STPG1: variants seen among roughly 807,000 people sequenced by gnomAD.
The protein encoded by STPG1 is sperm tail PG-rich repeat containing 1.
In STPG1, 33 loss-of-function variants were observed where a neutral mutation model predicts 40.1. That is an observed-to-expected ratio of 0.82 (90% CI 0.62 to 1.10). The LOEUF (loss-of-function observed/expected upper bound fraction) is 1.10, where lower values mean the gene tolerates loss of function less well. Ranked by LOEUF, STPG1 falls within the 50% of genes least tolerant of loss-of-function variation. The pLI is 0.00. For synonymous variants in STPG1, 150 were observed against 155.0 expected, an observed-to-expected ratio of 0.97 and a Z score of 0.24; for missense variants, 396 against 415.1, an observed-to-expected ratio of 0.95 and a Z score of 0.40.
At position 24,379,772 on chromosome 1, in the gene STPG1, T is replaced by C; in HGVS notation, c.343A>G (p.Thr115Ala). The C allele has an allele frequency of 6.2e-7, 1 of 1,614,112 alleles. No individual in the cohort carries two copies. The highest frequency in any genetic ancestry group is 8.5e-7 in the Non-Finnish European group (1 of 1,179,984). ...TTGGAAATAAAATCCGATGGGATAGTGTATGCATTCGCTGCAGGGTATTTA... is the reference window on the plus strand; with the variant it reads ...TTGGAAATAAAATCCGATGGGATAGCGTATGCATTCGCTGCAGGGTATTTA... ...ISKYPAANAYTIPSDFISKRD... is the reference protein window; with the variant it reads ...ISKYPAANAYAIPSDFISKRD... The change falls in exon 5 of 9, where the codon ACT becomes GCT. Residue 115 changes from threonine to alanine, a missense_variant. Transcript: ENST00000337248.
Position 24,358,302 on chromosome 1 carries a change from T to C in STPG1, c.*241A>G, listed in dbSNP as rs539897457. The C allele has an allele frequency of 3.0e-6, 2 of 671,370 alleles. No individual in the cohort carries two copies. The highest frequency in any genetic ancestry group is 4.1e-5 in the Admixed American group (2 of 49,030). The allele number at this position is 671,370 out of a possible 1,614,324, so 41.6% of individuals were successfully genotyped here. On this transcript the variant is annotated 3_prime_UTR_variant, in exon 9 of 9. Coordinates refer to ENST00000337248, the MANE Select transcript of STPG1 (RefSeq NM_001199013.2). The stretch of plus-strand genomic sequence containing the variant: ...CCAGGGGGCTCTGTCCACTCCTCCC[T>C]TCTGCTCAGGAAGCCACTGGAGTCT...
At chr1:24,402,023 G>A (rs576893695) in intron 1 of STPG1, among the ~76,000 whole-genome samples, 5 of 152,072 alleles carry the variant, frequency 3.3e-5, no homozygotes, top group Non-Finnish European at 5.9e-5. Flanking sequence ...GAGACATAAT[G>A]TATACACAAA....
rs898165123 is a variant in STPG1 at position 24,358,192 on chromosome 1, T to C, written c.*351A>G. The C allele has an allele frequency of 2.7e-5, 14 of 526,602 alleles. No individual in the cohort carries two copies. The Admixed American group carries it at 3.1e-4, about 12-fold the overall frequency. The allele number at this position is 526,602 out of a possible 1,614,324, so 32.6% of individuals were successfully genotyped here. A position where few individuals can be genotyped will look rare whatever the true frequency, so the allele number is the denominator to read the frequency against. On this transcript the variant is annotated 3_prime_UTR_variant, in exon 9 of 9. Coordinates refer to ENST00000337248, the MANE Select transcript of STPG1 (RefSeq NM_001199013.2). ...CACCTTCAGGGTGGACTGATCCTCC[T>C]TGAAGTCTGCGCTTCAGGAGTCCCT...
In STPG1 at chr1:24,399,796, C is replaced by T. The variant is rs1297401589; in HGVS notation, c.70+1523G>A. On this transcript the variant is annotated intron_variant, in intron 2 of 8. Coordinates refer to ENST00000337248, the MANE Select transcript of STPG1 (RefSeq NM_001199013.2). This position sits in a 1 kb window ranked among gnomAD's most constrained non-coding sequence, Gnocchi z 4.0. ...ACAGTCACTTCTCCAAAGAGAATATCCAAAAGGCCAGTCAACATGAAAAAG... is the reference window on the plus strand; with the variant it reads ...ACAGTCACTTCTCCAAAGAGAATATTCAAAAGGCCAGTCAACATGAAAAAG... Among the ~76,000 whole-genome samples, 1 of 152,106 alleles carries T rather than the reference C, an allele frequency of 6.6e-6. No homozygotes were observed. Among genetic ancestry groups the T allele is most frequent in the Non-Finnish European group, 1.5e-5 (1 of 68,006 alleles).
intron 7 of STPG1, among the ~76,000 whole-genome samples, chr1:24,361,287 G>A (rs537868370): frequency 1.3e-5 from 2 of 152,256 alleles, no homozygotes; most frequent in East Asian, 1.9e-4. Context: ...ATGAGATGAC[G>A]TACCTAAAAC....
chr1:24,374,453 G>T (rs1024990314), intron 5 of STPG1, among the ~76,000 whole-genome samples: 1 of 151,674 alleles, frequency 6.6e-6, no homozygotes, highest in Admixed American at 6.6e-5. Context: ...TAGAGACAGG[G>T]TTTCACCATG....
intron 7 of STPG1, among the ~76,000 whole-genome samples, chr1:24,367,157 G>A (rs1435238220): frequency 6.6e-6 from 1 of 152,170 alleles, no homozygotes; most frequent in African/African-American, 2.4e-5. Flanking sequence ...CCTCCACCTG[G>A]CTTCGAGGCT....
intron 1 of STPG1, among the ~76,000 whole-genome samples, chr1:24,407,090 T>C (rs539567592): frequency 7.9e-5 from 12 of 152,332 alleles, no homozygotes; most frequent in African/African-American, 2.9e-4. Flanking sequence ...CTGCAATCCC[T>C]GGCAACCACC....
chr1:24,393,998 T>A (rs561456444), intron 2 of STPG1, among the ~76,000 whole-genome samples: 12 of 152,036 alleles, frequency 7.9e-5, no homozygotes, highest in Non-Finnish European at 1.6e-4. Context: ...CAGAGCAGAG[T>A]ACCAGAGAAG....
At chr1:24,389,831 A>G (rs901358589) in intron 3 of STPG1, among the ~76,000 whole-genome samples, 2 of 152,214 alleles carry the variant, frequency 1.3e-5, no homozygotes, top group African/African-American at 2.4e-5. Context: ...TCCTGAGCAA[A>G]TATGTATTAT....
chr1:24,384,106 G>A, intron 3 of STPG1, 103 bp from the exon 4 acceptor site: 1 of 709,136 alleles, frequency 1.4e-6, no homozygotes, highest in Non-Finnish European at 2.5e-6. Flanking sequence ...TAATCCCACA[G>A]CACAGGCGCT....
rs1015742574 is a variant in STPG1 at position 24,401,416 on chromosome 1, T to C, written c.-28A>G. 1.2e-6 allele frequency: 2 copies of C among 1,609,180 alleles called. No individual in the cohort carries two copies. Among genetic ancestry groups the C allele is most frequent in the Non-Finnish European group, 8.5e-7 (1 of 1,176,338 alleles). ...TAGCAAAATTCTGTGACGTGTTCCA[T>C]TTGTTTGATGAAAAGTTCTACTGCA... On this transcript the variant is annotated 5_prime_UTR_variant, in exon 2 of 9. It removes an upstream start codon present in the reference 5' UTR. Coordinates refer to ENST00000337248, the MANE Select transcript of STPG1 (RefSeq NM_001199013.2).
At chr1:24,377,854 T>G (rs1460966550) in intron 5 of STPG1, among the ~76,000 whole-genome samples, 2 of 152,232 alleles carry the variant, frequency 1.3e-5, no homozygotes, top group African/African-American at 4.8e-5. Context: ...GCCTTCAAGC[T>G]GGGTAACTGT....
At position 24,360,999 on chromosome 1, in the gene STPG1, C is replaced by T; in HGVS notation, c.780G>A (p.Leu260=). ...ILNFSAQPSP[L]PPKPPFPGPG... is the part of the protein sequence containing the mutation. ...GACCTGGGAAAGGTGGCTTCGGAGG[C>T]AGAGGCGAAGGCTGAGCAGAGAAGT... Residue 260 remains leucine, a synonymous_variant, in exon 8 of 9, where the codon CTG becomes CTA. Transcript: ENST00000337248. 6.2e-7 allele frequency: 1 copy of T among 1,613,266 alleles called. No individual in the cohort carries two copies. Among genetic ancestry groups the T allele is most frequent in the Non-Finnish European group, 8.5e-7 (1 of 1,179,664 alleles).
At chr1:24,405,645 T>A (rs1157209970) in intron 1 of STPG1, among the ~76,000 whole-genome samples, 1 of 152,202 alleles carries the variant, frequency 6.6e-6, no homozygotes, top group Non-Finnish European at 1.5e-5. Context: ...TTATTGTGAA[T>A]TTGTTTATTT....
intron 7 of STPG1, among the ~76,000 whole-genome samples, chr1:24,362,927 C>T (rs1218510014): frequency 6.6e-6 from 1 of 152,212 alleles, no homozygotes; most frequent in African/African-American, 2.4e-5. Flanking sequence ...AATCAACAAC[C>T]TCTCCCCTTA....
chr1:24,371,872 G>C (rs2148687644), intron 6 of STPG1, among the ~76,000 whole-genome samples: 1 of 152,242 alleles, frequency 6.6e-6, no homozygotes, highest in African/African-American at 2.4e-5. Flanking sequence ...AACTAGATGA[G>C]CCTGGATTAA....
chr1:24,369,339 G>A (rs957961048), intron 7 of STPG1: 4 of 506,140 alleles, frequency 7.9e-6, no homozygotes, highest in Non-Finnish European at 1.6e-5. Flanking sequence ...CCAATTCCCT[G>A]TGGCTCCTCA....
rs910775292 is a variant in STPG1, at chr1:24,369,794, G to A, written c.617C>T (p.Thr206Ile). The A allele has an allele frequency of 1.1e-5, 18 of 1,612,394 alleles. No homozygotes were observed. The highest frequency in any genetic ancestry group is 1.4e-5 in the Non-Finnish European group (17 of 1,178,718). Reference protein sequence around the residue: ...NESLVKQSPNTLMSCFKSKTN... With the variant: ...NESLVKQSPNILMSCFKSKTN... Reference sequence around the variant, plus strand: ...TTTTGATTTAAAACAAGACATTAATGTATTTGGCGACTGCTTCACAAGGGA... The same window carrying A: ...TTTTGATTTAAAACAAGACATTAATATATTTGGCGACTGCTTCACAAGGGA... Residue 206 changes from threonine to isoleucine, a missense_variant, in exon 7 of 9, where the codon ACA (threonine) becomes ATA (isoleucine). By Grantham distance (89) the Thr-to-Ile change is moderately conservative. Coordinates refer to ENST00000337248, the MANE Select transcript of STPG1 (RefSeq NM_001199013.2).
Sources: gnomAD v4.1 joint callset for allele counts (sites outside exome capture counted in the v4.1 genomes callset) on GRCh38, gnomAD v4.1.1 for gene constraint, Gnocchi (gnomAD v3.1) non-coding constraint, MANE v1.5 for transcripts, NCBI Gene and HGNC (gene_info 2026-07-23, HGNC 2026-07-21) for gene names.